Variants in ARHGAP28 observed in about 807,000 individuals in gnomAD.
The protein encoded by ARHGAP28 is rho GTPase-activating protein 28.
A neutral mutation model predicts 90.7 loss-of-function variants in ARHGAP28; 56 were observed. The ratio of observed to expected loss-of-function variants is 0.62; its 90% CI spans 0.50 to 0.77. The LOEUF (loss-of-function observed/expected upper bound fraction) is 0.77, where lower values mean the gene tolerates loss of function less well. Ranked by LOEUF, ARHGAP28 falls within the 30% of genes least tolerant of loss-of-function variation. The pLI, the probability that ARHGAP28 is intolerant of heterozygous loss-of-function variation, is 0.00. For synonymous variants in ARHGAP28, 308 were observed against 323.3 expected, an observed-to-expected ratio of 0.95 and a Z score of 0.51; for missense variants, 869 against 900.9, an observed-to-expected ratio of 0.96 and a Z score of 0.45.
At chr18:6,875,387 C>T (rs2057123202) in intron 9 of ARHGAP28, among the ~76,000 whole-genome samples, 5 of 152,170 alleles carry the variant, frequency 3.3e-5, no homozygotes. Flanking sequence ...AGGTACCATC[C>T]ACCATCATTT....
At chr18:6,796,179 A>G (rs1325262099) in intron 1 of ARHGAP28, among the ~76,000 whole-genome samples, 1 of 152,254 alleles carries the variant, frequency 6.6e-6, no homozygotes, top group Non-Finnish European at 1.5e-5. Context: ...TTTCTGTACC[A>G]GTGAGCACTC....
chr18:6,862,494 C>T (rs907211946), intron 5 of ARHGAP28, among the ~76,000 whole-genome samples: 6 of 152,200 alleles, frequency 3.9e-5, no homozygotes, highest in Non-Finnish European at 5.9e-5. Context: ...AGTCTTTAAT[C>T]ATTTCTTCAT....
At chr18:6,757,356 A>G (rs2056119879) in intron 1 of ARHGAP28, among the ~76,000 whole-genome samples, 1 of 152,210 alleles carries the variant, frequency 6.6e-6, no homozygotes, top group Non-Finnish European at 1.5e-5. Context: ...CAAATGAAAT[A>G]AAGCAAAAGA....
chr18:6,839,582 C>A (rs139352607), intron 3 of ARHGAP28, among the ~76,000 whole-genome samples: 3 of 152,192 alleles, frequency 2.0e-5, no homozygotes. Flanking sequence ...CAGGCGTGAG[C>A]CACTGCGCCC....
At chr18:6,808,894 C>T (rs532202442) in intron 1 of ARHGAP28, among the ~76,000 whole-genome samples, 3 of 152,350 alleles carry the variant, frequency 2.0e-5, no homozygotes, top group African/African-American at 7.2e-5. Context: ...AGGTTCAACT[C>T]ATGCAGCCCT....
At chr18:6,804,316 T>A (rs1003942410) in intron 1 of ARHGAP28, among the ~76,000 whole-genome samples, 3 of 152,228 alleles carry the variant, frequency 2.0e-5, no homozygotes, top group Admixed American at 1.3e-4. Flanking sequence ...TATTACCAAT[T>A]TATGTCTTCT....
At position 6,837,397 on chromosome 18, in the gene ARHGAP28, G is replaced by A; in HGVS notation, c.526G>A (p.Gly176Arg). 1 of 1,613,710 alleles carries A rather than the reference G, an allele frequency of 6.2e-7. No individual in the cohort carries two copies. Among genetic ancestry groups the A allele is most frequent in the Non-Finnish European group, 8.5e-7 (1 of 1,179,856 alleles). ...TATCAGGGATGTCAGAGACATTTTT[G>A]GAGTCAGTGAATCTCCTGTAAGTAA... ...QSIRDVRDIFGVSESPPRDTC... is the reference protein window; with the variant it reads ...QSIRDVRDIFRVSESPPRDTC... The change falls in exon 3 of 18, where the codon GGA becomes AGA. Residue 176 changes from glycine (G) to arginine (R), a missense_variant. Gly to Arg is a moderately radical substitution (Grantham distance 125, BLOSUM62 -2). Transcript: ENST00000383472.
chr18:6,748,683 A>T (rs2060281365), intron 1 of ARHGAP28, among the ~76,000 whole-genome samples: 1 of 152,234 alleles, frequency 6.6e-6, no homozygotes, highest in Non-Finnish European at 1.5e-5. Context: ...GGGCCCAAGA[A>T]GGTACTGTCT....
intron 3 of ARHGAP28, among the ~76,000 whole-genome samples, chr18:6,843,429 T>C (rs1366240209): frequency 6.6e-6 from 1 of 152,236 alleles, no homozygotes; most frequent in Non-Finnish European, 1.5e-5. Flanking sequence ...ATGGGCTTTT[T>C]CTGGATCAGC....
chr18:6,760,575 C>G lies in ARHGAP28; in HGVS notation c.122+30632C>G, dbSNP rs74805306. Among the ~76,000 whole-genome samples, 933 of 152,322 alleles carry G rather than the reference C, an allele frequency of 6.1e-3. 7 individuals are homozygous for G. The highest frequency in any genetic ancestry group is 8.7e-3 in the Non-Finnish European group (594 of 68,022). On this transcript the variant is annotated intron_variant, in intron 1 of 17. Coordinates refer to ENST00000383472, the MANE Select transcript of ARHGAP28 (RefSeq NM_001366230.1). ...TTGTTTTTACAACACATTCAAAACA[C>G]TTTCTACAGAAGCTTTCAGTTCCTT...
intron 1 of ARHGAP28, among the ~76,000 whole-genome samples, chr18:6,818,539 G>A (rs2143732782): frequency 6.6e-6 from 1 of 152,278 alleles, no homozygotes; most frequent in Middle Eastern, 3.4e-3. Context: ...GTAAGCAAAT[G>A]AGTGCATGAA....
chr18:6,774,002 ATTAG>A (rs1365176377), intron 1 of ARHGAP28: 2 of 152,212 alleles, frequency 1.3e-5, no homozygotes, highest in Non-Finnish European at 2.9e-5. Flanking sequence ...GTGCAGTGGA[ATTAG>A]TTCTTCACTT....
At chr18:6,821,441 C>T (rs1169112831) in intron 1 of ARHGAP28, among the ~76,000 whole-genome samples, 1 of 152,140 alleles carries the variant, frequency 6.6e-6, no homozygotes, top group Non-Finnish European at 1.5e-5. Flanking sequence ...CTGATGAAGC[C>T]TAAACTCCAT....
chr18:6,878,074 G>A (rs141788922), intron 10 of ARHGAP28, among the ~76,000 whole-genome samples: 309 of 152,062 alleles, frequency 2.0e-3, no homozygotes, highest in African/African-American at 7.2e-3. Flanking sequence ...CTAAATCACC[G>A]AAAGGAGAAA....
chr18:6,822,505 TCTTA>T (rs1341350477), intron 1 of ARHGAP28, among the ~76,000 whole-genome samples: 1 of 152,210 alleles, frequency 6.6e-6, no homozygotes, highest in Non-Finnish European at 1.5e-5. Flanking sequence ...ATAATAGCTG[TCTTA>T]CTATCTTGTC....
At chr18:6,743,256 C>T (rs907078309) in intron 1 of ARHGAP28, among the ~76,000 whole-genome samples, 1 of 152,128 alleles carries the variant, frequency 6.6e-6, no homozygotes, top group African/African-American at 2.4e-5. Flanking sequence ...ACTTAAAATC[C>T]TTTGATAATA....
intron 1 of ARHGAP28, among the ~76,000 whole-genome samples, chr18:6,741,797 T>C (rs2055979998): frequency 6.6e-6 from 1 of 152,198 alleles, no homozygotes; most frequent in Non-Finnish European, 1.5e-5. Context: ...CCTGCCCACA[T>C]CCAGTTTGGC....
At chr18:6,792,431 T>C (rs939156553) in intron 1 of ARHGAP28, among the ~76,000 whole-genome samples, 2 of 152,222 alleles carry the variant, frequency 1.3e-5, no homozygotes, top group African/African-American at 4.8e-5. Context: ...TTTTGTCCTG[T>C]GGTGAGTGTC....
intron 11 of ARHGAP28, among the ~76,000 whole-genome samples, chr18:6,884,170 C>T (rs2057201680): frequency 6.6e-6 from 1 of 152,002 alleles, no homozygotes; most frequent in South Asian, 2.1e-4. Context: ...TTCAGGAGAT[C>T]GAGACTATCC....
Sources: gnomAD v4.1 joint callset for allele counts (sites outside exome capture counted in the v4.1 genomes callset) on GRCh38, gnomAD v4.1.1 for gene constraint, MANE v1.5 for transcripts, NCBI Gene and HGNC (gene_info 2026-07-23, HGNC 2026-07-21) for gene names.